ACTN4: variants seen among roughly 807,000 people sequenced by gnomAD.
ACTN4 encodes alpha-actinin-4.
Under a neutral mutation model 114.2 loss-of-function variants are expected in ACTN4, and 18 were observed. The ratio of observed to expected loss-of-function variants is 0.16; its 90% CI spans 0.11 to 0.23. The LOEUF (loss-of-function observed/expected upper bound fraction) is 0.23. ACTN4 is among the 10% of genes least tolerant of loss of function. The probability of loss-of-function intolerance (pLI) is 1.00; values close to 1 mark genes in which losing one functional copy is unlikely to be tolerated. For synonymous variants in ACTN4, 515 were observed against 506.3 expected (o/e 1.02, Z -0.23); for missense variants, 722 against 1,262.9 (o/e 0.57, Z 6.49).
intron 3 of ACTN4, among the ~76,000 whole-genome samples, chr19:38,701,928 T>C (rs939823355): frequency 1.3e-5 from 2 of 152,214 alleles, no homozygotes; most frequent in Non-Finnish European, 2.9e-5. Flanking sequence ...TGGCCAAGAC[T>C]CCGGGCCAGA....
rs1209524626 is a variant in ACTN4 at position 38,730,996 on chromosome 19, C to G, written c.*1564C>G. 6.4e-7 allele frequency: 1 copy of G among 1,551,698 alleles called. No homozygotes were observed. Among genetic ancestry groups the G allele is most frequent in the Non-Finnish European group, 8.7e-7 (1 of 1,147,730 alleles). On this transcript the variant is annotated 3_prime_UTR_variant, in exon 21 of 21. Transcript: ENST00000252699. ...GTGGGTCAGGCAGATGACCCCCTCA[C>G]CCCCATCCAGGTGCTGGCTGCAGTG...
intron 1 of ACTN4, among the ~76,000 whole-genome samples, chr19:38,696,258 G>A (rs745531293): frequency 2.0e-5 from 3 of 152,078 alleles, no homozygotes; most frequent in Non-Finnish European, 2.9e-5. Context: ...CACTGTTATG[G>A]ATTCAGCACA....
chr19:38,731,278 T>G lies in ACTN4; in HGVS notation c.*1846T>G. 3 of 1,368,560 alleles carry G rather than the reference T, an allele frequency of 2.2e-6. No individual in the cohort carries two copies. The highest frequency in any genetic ancestry group is 3.1e-6 in the Non-Finnish European group (3 of 961,760). 84.8% of individuals were successfully genotyped at this position (1,368,560 alleles called of 1,614,324 possible). On this transcript the variant is annotated 3_prime_UTR_variant, in exon 21 of 21. Coordinates refer to ENST00000252699, the MANE Select transcript of ACTN4 (RefSeq NM_004924.6). ...GCCCACAGGGAACCCACCTTGGCAT[T>G]GCATCCCCACCCCACCTCCTCAGGG...
At chr19:38,695,182 A>G (rs527429054) in intron 1 of ACTN4, among the ~76,000 whole-genome samples, 2 of 152,308 alleles carry the variant, frequency 1.3e-5, no homozygotes, top group East Asian at 3.9e-4. Flanking sequence ...GGCTGGCCAG[A>G]ATGTAAATGA....
At chr19:38,695,431 A>G (rs532550384) in intron 1 of ACTN4, among the ~76,000 whole-genome samples, 1 of 152,260 alleles carries the variant, frequency 6.6e-6, no homozygotes, top group East Asian at 1.9e-4. Flanking sequence ...TCCCAAATGA[A>G]ATAGAAACCT....
At position 38,724,929 on chromosome 19, in the gene ACTN4, G is replaced by A. The variant is rs925499352; in HGVS notation, c.2010+364G>A. On this transcript the variant is annotated intron_variant, in intron 16 of 20. Transcript: ENST00000252699. This position sits in a 1 kb window ranked among gnomAD's most constrained non-coding sequence, Gnocchi z 7.0. Reference sequence around the variant, plus strand: ...GCTACGATCATGCCACTGCACTTCAGCCTGACAGCGAGACCCTGTGGTCTC... The same window carrying A: ...GCTACGATCATGCCACTGCACTTCAACCTGACAGCGAGACCCTGTGGTCTC... Among the ~76,000 whole-genome samples the A allele has an allele frequency of 6.6e-6, 1 of 152,226 alleles. No individual in the cohort carries two copies. The highest frequency in any genetic ancestry group is 2.4e-5 in the African/African-American group (1 of 41,456).
At position 38,730,454 on chromosome 19, in the gene ACTN4, T is replaced by G. The variant is rs866126347; in HGVS notation, c.*1022T>G. ...CCTTTTTTTTTTGAGTTTATTCTGATTGATTTTTTTTCTTGGTTTCTGGAT... is the reference window on the plus strand; with the variant it reads ...CCTTTTTTTTTTGAGTTTATTCTGAGTGATTTTTTTTCTTGGTTTCTGGAT... On this transcript the variant is annotated 3_prime_UTR_variant, in exon 21 of 21. Transcript: ENST00000252699. The G allele has an allele frequency of 3.3e-5, 7 of 212,062 alleles. No individual in the cohort carries two copies. Among genetic ancestry groups the G allele is most frequent in the African/African-American group, 1.4e-4 (6 of 42,926 alleles). 13.1% of individuals were successfully genotyped at this position (212,062 alleles called of 1,614,324 possible). A position where few individuals can be genotyped will look rare whatever the true frequency, so the allele number is the denominator to read the frequency against.
Position 38,730,510 on chromosome 19 carries a change from C to A in ACTN4, c.*1078C>A, listed in dbSNP as rs1205747177. On this transcript the variant is annotated 3_prime_UTR_variant, in exon 21 of 21. Coordinates refer to ENST00000252699, the MANE Select transcript of ACTN4 (RefSeq NM_004924.6). ...ACCCTCTGGGGACAGGATAATAAAA[C>A]ATGTAATATTTTTAAGAAGGATTCC... The A allele has an allele frequency of 5.7e-6, 2 of 349,860 alleles. No homozygotes were observed. The highest frequency in any genetic ancestry group is 1.0e-4 in the East Asian group (2 of 19,150). 21.7% of individuals were successfully genotyped at this position (349,860 alleles called of 1,614,324 possible).
At chr19:38,679,998 C>T (rs773323344) in intron 1 of ACTN4, among the ~76,000 whole-genome samples, 6 of 151,910 alleles carry the variant, frequency 3.9e-5, no homozygotes, top group Non-Finnish European at 8.8e-5. Context: ...GTCCTTTTTC[C>T]CTGAAGGAAC....
chr19:38,654,045 G>T (rs969320454), intron 1 of ACTN4, among the ~76,000 whole-genome samples: 1 of 152,210 alleles, frequency 6.6e-6, no homozygotes, highest in Non-Finnish European at 1.5e-5. Context: ...CTAGGCGCCA[G>T]AATTTGTTAT....
intron 12 of ACTN4, 80 bp downstream of exon 12, chr19:38,721,768 C>T: frequency 1.3e-6 from 2 of 1,583,338 alleles, no homozygotes; most frequent in South Asian, 1.1e-5. Flanking sequence ...CACGCCGAGG[C>T]CCAGCCTGCC....
At chr19:38,689,971 C>A (rs951720141) in intron 1 of ACTN4, among the ~76,000 whole-genome samples, 5 of 152,162 alleles carry the variant, frequency 3.3e-5, no homozygotes, top group African/African-American at 1.2e-4. Flanking sequence ...CCTTTAAACA[C>A]CGGGCTTGTA....
At chr19:38,700,229 G>A (rs538068091) in intron 1 of ACTN4, among the ~76,000 whole-genome samples, 28 of 152,224 alleles carry the variant, frequency 1.8e-4, no homozygotes, top group African/African-American at 5.1e-4. Context: ...TGAGTGAGCC[G>A]GCGGCGGGCT....
At chr19:38,694,654 C>T (rs1317838289) in intron 1 of ACTN4, among the ~76,000 whole-genome samples, 2 of 152,058 alleles carry the variant, frequency 1.3e-5, no homozygotes, top group Non-Finnish European at 1.5e-5. Flanking sequence ...ATGCCCACCC[C>T]GTGTTTGTAT....
intron 11 of ACTN4, among the ~76,000 whole-genome samples, chr19:38,719,987 C>T (rs918491876): frequency 5.9e-5 from 9 of 152,250 alleles, no homozygotes; most frequent in African/African-American, 1.9e-4. Flanking sequence ...TGGGCATCCA[C>T]GCGGGTCTGC....
At chr19:38,660,887 G>A (rs1340246779) in intron 1 of ACTN4, among the ~76,000 whole-genome samples, 3 of 152,166 alleles carry the variant, frequency 2.0e-5, no homozygotes, top group East Asian at 1.9e-4. Flanking sequence ...CTTTGCGAGC[G>A]GGTGGTGAGG....
Position 38,687,231 on chromosome 19 carries a change from C to A in ACTN4, c.163-13369C>A, listed in dbSNP as rs528488030. Reference sequence around the variant, plus strand: ...AAATGATCCACCTGCCTCAGCCCCCCCAAAGTGCTGGGATTACAGGCGTGA... The same window carrying A: ...AAATGATCCACCTGCCTCAGCCCCCACAAAGTGCTGGGATTACAGGCGTGA... On this transcript the variant is annotated intron_variant, in intron 1 of 20. Transcript: ENST00000252699. 2.8e-4 allele frequency among the ~76,000 whole-genome samples: 42 copies of A among 152,110 alleles called. No individual in the cohort carries two copies. The East Asian group carries it at 4.2e-3, about 15-fold the overall frequency.
chr19:38,722,535 G>A (rs754107609), intron 12 of ACTN4, among the ~76,000 whole-genome samples: 17 of 152,310 alleles, frequency 1.1e-4, no homozygotes, highest in African/African-American at 1.7e-4. Flanking sequence ...TTTCCTCCCC[G>A]ACTCACTACC....
intron 1 of ACTN4, among the ~76,000 whole-genome samples, chr19:38,691,332 C>T (rs62121829): frequency 0.06 from 8,440 of 141,414 alleles, 252 homozygotes; most frequent in South Asian, 0.1. Context: ...ACTCAGGAGG[C>T]AGAAGTTGCG....
Sources: gnomAD v4.1 joint callset for allele counts (sites outside exome capture counted in the v4.1 genomes callset) on GRCh38, gnomAD v4.1.1 for gene constraint, Gnocchi (gnomAD v3.1) non-coding constraint, MANE v1.5 for transcripts, NCBI Gene and HGNC (gene_info 2026-07-23, HGNC 2026-07-21) for gene names.